The following GRM7 variants were observed in gnomAD, a reference collection of about 807,000 sequenced individuals.
GRM7 encodes metabotropic glutamate receptor 7.
A neutral mutation model predicts 84.5 loss-of-function variants in GRM7; 35 were observed. The observed-to-expected ratio is 0.41, with a 90% CI of 0.32 to 0.55. The LOEUF is 0.55. Ranked by LOEUF, GRM7 falls within the 20% of genes least tolerant of loss-of-function variation. GRM7 has a pLI of 0.19. For synonymous variants in GRM7, 487 were observed against 455.1 expected (o/e 1.07, Z -0.89); for missense variants, 1,003 against 1,194.6 (o/e 0.84, Z 2.36).
intron 8 of GRM7, among the ~76,000 whole-genome samples, chr3:7,660,608 A>G (rs1249073121): frequency 2.6e-5 from 4 of 152,186 alleles, no homozygotes; most frequent in African/African-American, 9.7e-5. Flanking sequence ...ATCAATACCA[A>G]TCAAAATCCC....
chr3:7,519,272 G>A lies in GRM7; in HGVS notation c.1515+57550G>A, dbSNP rs913961458. On this transcript the variant is annotated intron_variant, in intron 7 of 9. Transcript: ENST00000357716. ...AGCTATTTGGGAGGCTGAGGCAGGA[G>A]AATCGCTGAAACTCAGGAGGTAGAG... 4.0e-5 allele frequency among the ~76,000 whole-genome samples: 6 copies of A among 151,808 alleles called. No individual in the cohort carries two copies. In the East Asian group the frequency reaches 1.2e-3, roughly 29 times the overall value.
chr3:6,881,462 G>T (rs1695503896), intron 1 of GRM7, among the ~76,000 whole-genome samples: 1 of 152,044 alleles, frequency 6.6e-6, no homozygotes, highest in African/African-American at 2.4e-5. Context: ...CCCTGCAAAG[G>T]ACATTATATC....
chr3:7,636,524 A>G (rs1176588180), intron 8 of GRM7: 2 of 221,426 alleles, frequency 9.0e-6, no homozygotes, highest in Non-Finnish European at 1.9e-5. Flanking sequence ...ATTAGTCTAC[A>G]TAAGGAAAGT....
At chr3:7,599,196 C>A (rs1696193025) in intron 8 of GRM7, among the ~76,000 whole-genome samples, 1 of 152,040 alleles carries the variant, frequency 6.6e-6, no homozygotes, top group Admixed American at 6.6e-5. Flanking sequence ...ACTGAGAGTA[C>A]CCTGATGTCT....
At chr3:7,298,858 A>G in intron 3 of GRM7, 33 bp downstream of exon 3, 1 of 1,584,430 alleles carries the variant, frequency 6.3e-7, no homozygotes, top group Non-Finnish European at 8.7e-7. Context: ...GTTAATATGC[A>G]TGTTGCAATT....
At chr3:7,036,757 T>C (rs1270224633) in intron 1 of GRM7, among the ~76,000 whole-genome samples, 2 of 151,316 alleles carry the variant, frequency 1.3e-5, no homozygotes, top group African/African-American at 4.9e-5. Context: ...TTTAAAGCAC[T>C]GGTTTTCTAA....
chr3:7,045,932 T>G (rs757547744), intron 1 of GRM7, among the ~76,000 whole-genome samples: 13 of 152,236 alleles, frequency 8.5e-5, no homozygotes, highest in South Asian at 2.1e-4. Context: ...TAGTTCTACA[T>G]GCCATTTTTT....
intron 1 of GRM7, among the ~76,000 whole-genome samples, chr3:7,126,449 A>G (rs527359417): frequency 2.0e-5 from 3 of 152,308 alleles, no homozygotes; most frequent in Middle Eastern, 3.4e-3. Context: ...CCCTAGTCAC[A>G]TATGACATAT....
At chr3:7,678,223 A>G (rs1700216033) in intron 8 of GRM7, among the ~76,000 whole-genome samples, 1 of 152,206 alleles carries the variant, frequency 6.6e-6, no homozygotes, top group African/African-American at 2.4e-5. Flanking sequence ...TAAAAGTTGA[A>G]AAAAGAAAAC....
At chr3:7,709,135 C>T (rs1338319407) in intron 9 of GRM7, among the ~76,000 whole-genome samples, 1 of 152,090 alleles carries the variant, frequency 6.6e-6, no homozygotes, top group Non-Finnish European at 1.5e-5. Flanking sequence ...CCATCTTCAG[C>T]AAGCGGTCCC....
chr3:7,453,130 CTG>C (rs1697848317), intron 6 of GRM7, among the ~76,000 whole-genome samples: 1 of 151,296 alleles, frequency 6.6e-6, no homozygotes, highest in South Asian at 2.1e-4. Flanking sequence ...GTAGGTACCT[CTG>C]AATATGGAAA....
At chr3:7,075,765 A>G (rs987507447) in intron 1 of GRM7, among the ~76,000 whole-genome samples, 3 of 152,052 alleles carry the variant, frequency 2.0e-5, no homozygotes, top group African/African-American at 4.8e-5. Context: ...ACCTCAGGTG[A>G]TCTGCCCGCC....
chr3:7,696,880 G>A (rs550081526), intron 9 of GRM7, among the ~76,000 whole-genome samples: 2 of 152,134 alleles, frequency 1.3e-5, no homozygotes, highest in African/African-American at 4.8e-5. Context: ...TTTATATATT[G>A]GGAGAGCTTT....
At chr3:7,063,564 A>G (rs943398945) in intron 1 of GRM7, among the ~76,000 whole-genome samples, 1 of 151,814 alleles carries the variant, frequency 6.6e-6, no homozygotes, top group Non-Finnish European at 1.5e-5. Flanking sequence ...TTGCCCAAGA[A>G]TTTGATGAAA....
intron 8 of GRM7, among the ~76,000 whole-genome samples, chr3:7,627,745 G>A (rs1265683199): frequency 1.3e-5 from 2 of 152,236 alleles, no homozygotes; most frequent in East Asian, 3.9e-4. Flanking sequence ...AGCAGAATTG[G>A]TTTCTTCTGA....
intron 1 of GRM7, among the ~76,000 whole-genome samples, chr3:7,144,098 A>G (rs1017891900): frequency 3.9e-5 from 6 of 152,294 alleles, no homozygotes; most frequent in Non-Finnish European, 5.9e-5. Flanking sequence ...TTTAGTGGCT[A>G]TGTAGTCAGT....
intron 8 of GRM7, among the ~76,000 whole-genome samples, chr3:7,625,982 T>G (rs764579404): frequency 6.6e-6 from 1 of 152,126 alleles, no homozygotes; most frequent in African/African-American, 2.4e-5. Flanking sequence ...AAGTTACAGA[T>G]TGTCCTTATA....
chr3:7,252,763 A>G (rs1490748792), intron 2 of GRM7, among the ~76,000 whole-genome samples: 3 of 145,018 alleles, frequency 2.1e-5, no homozygotes, highest in Non-Finnish European at 4.5e-5. Context: ...ATCTCGGCTC[A>G]CTGCAACCTC....
intron 1 of GRM7, among the ~76,000 whole-genome samples, chr3:7,142,053 A>T (rs1179248063): frequency 6.6e-6 from 1 of 152,088 alleles, no homozygotes; most frequent in Admixed American, 6.6e-5. Flanking sequence ...AGCTCTGAGG[A>T]TTTTGTTTTG....
Sources: gnomAD v4.1 joint callset for allele counts (sites outside exome capture counted in the v4.1 genomes callset) on GRCh38, gnomAD v4.1.1 for gene constraint, MANE v1.5 for transcripts, NCBI Gene and HGNC (gene_info 2026-07-23, HGNC 2026-07-21) for gene names.